SUGP1: variants seen among roughly 807,000 people sequenced by gnomAD.
SUGP1 encodes SURP and G-patch domain-containing protein 1.
Under a neutral mutation model 76.5 loss-of-function variants are expected in SUGP1, and 34 were observed. The ratio of observed to expected loss-of-function variants is 0.44; its 90% CI spans 0.34 to 0.59. The LOEUF (loss-of-function observed/expected upper bound fraction) is 0.59. Ranked by LOEUF, SUGP1 falls within the 20% of genes least tolerant of loss-of-function variation. SUGP1 has a pLI of 0.01. For synonymous variants in SUGP1, 326 were observed against 326.2 expected (o/e 1.00, Z 0.01); for missense variants, 752 against 851.7 (o/e 0.88, Z 1.46).
Position 19,316,609 on chromosome 19 carries a change from G to T in SUGP1, c.35-16C>A. 3.7e-6 allele frequency: 6 copies of T among 1,613,160 alleles called. No individual in the cohort carries two copies. Among genetic ancestry groups the T allele is most frequent in the Non-Finnish European group, 5.1e-6 (6 of 1,179,352 alleles). ...TTAGCCTTTCCTGGGGAGGGAAAAG[G>T]AGTACGTCGGAAATCACCCTTACTC... On this transcript the variant is annotated splice_polypyrimidine_tract_variant and intron_variant, in intron 1 of 13. Transcript: ENST00000247001.
At chr19:19,308,302 T>C (rs920288332) in intron 3 of SUGP1, among the ~76,000 whole-genome samples, 1 of 152,208 alleles carries the variant, frequency 6.6e-6, no homozygotes, top group Non-Finnish European at 1.5e-5. Flanking sequence ...CCCAAAGTGC[T>C]GAGATTACAG....
intron 3 of SUGP1, 39 bp from the exon 4 acceptor site, chr19:19,306,115 A>C: frequency 1.3e-6 from 2 of 1,484,948 alleles, no homozygotes; most frequent in South Asian, 1.4e-5. Context: ...CGGGATCTGC[A>C]GGGCACCTCT....
rs1018669284 is a variant in SUGP1 at position 19,310,265 on chromosome 19, C to CGAGGAT, written c.207-71_207-66dup. The CGAGGAT allele has an allele frequency of 2.8e-4, 361 of 1,275,158 alleles. 3 individuals are homozygous for CGAGGAT. In the East Asian group the frequency reaches 5.9e-3, roughly 21 times the overall value. The allele number at this position is 1,275,158 out of a possible 1,614,324, so 79.0% of individuals were successfully genotyped here. ...GAGATGGAGTGAGGGCACCAGAGGA[C>CGAGGAT]GAGGATGAGGATGAGGCCATCACCT... On this transcript the variant is annotated intron_variant, in intron 2 of 13. Coordinates refer to ENST00000247001, the MANE Select transcript of SUGP1 (RefSeq NM_172231.4).
intron 8 of SUGP1, among the ~76,000 whole-genome samples, chr19:19,287,591 G>T (rs537801595): frequency 6.6e-6 from 1 of 152,022 alleles, no homozygotes; most frequent in Non-Finnish European, 1.5e-5. Context: ...AAAAATAGAA[G>T]AGCTAACAGA....
intron 8 of SUGP1, among the ~76,000 whole-genome samples, chr19:19,283,870 C>T (rs1286450233): frequency 3.9e-5 from 6 of 152,254 alleles, no homozygotes; most frequent in Non-Finnish European, 7.3e-5. Context: ...CAGGCGTGAG[C>T]CACTGCACCT....
At chr19:19,313,901 G>A (rs778699932) in intron 2 of SUGP1, among the ~76,000 whole-genome samples, 6 of 152,112 alleles carry the variant, frequency 3.9e-5, no homozygotes, top group Non-Finnish European at 8.8e-5. Context: ...ACTTAGGGAG[G>A]CCGAGGTGGG....
chr19:19,278,679 T>C lies in SUGP1; in HGVS notation c.1635+11A>G, dbSNP rs759583708. 1.9e-5 allele frequency: 30 copies of C among 1,605,846 alleles called. 1 individual carries two copies. In the Admixed American group the frequency reaches 2.9e-4, roughly 15 times the overall value. ...TGGCAGAGGCTGGAGCTAGGGCCCC[T>C]CCTGGCTCACCTTCAGGGCCTTGAA... On this transcript the variant is annotated intron_variant, in intron 11 of 13. Coordinates refer to ENST00000247001, the MANE Select transcript of SUGP1 (RefSeq NM_172231.4).
intron 7 of SUGP1, among the ~76,000 whole-genome samples, chr19:19,297,625 A>G (rs1308205114): frequency 6.6e-6 from 1 of 152,162 alleles, no homozygotes; most frequent in Admixed American, 6.5e-5. Context: ...CCCTGCTACA[A>G]AGGGAAAGGG....
intron 8 of SUGP1, among the ~76,000 whole-genome samples, chr19:19,296,011 A>T (rs1046667374): frequency 6.6e-6 from 1 of 152,164 alleles, no homozygotes; most frequent in Admixed American, 6.5e-5. Context: ...ATCACTTCAT[A>T]CCTCTTAGGA....
intron 4 of SUGP1, among the ~76,000 whole-genome samples, chr19:19,304,900 G>T (rs1449224160): frequency 6.6e-6 from 1 of 152,054 alleles, no homozygotes; most frequent in Non-Finnish European, 1.5e-5. Context: ...TCCTGCCATG[G>T]GCCCAGCAAC....
chr19:19,302,543 C>G, intron 6 of SUGP1, 155 bp from the exon 7 acceptor site: 1 of 1,122,416 alleles, frequency 8.9e-7, no homozygotes, highest in Non-Finnish European at 1.2e-6. Context: ...GGACCAGATG[C>G]CAGAATTCAT....
At chr19:19,310,282 C>G (rs1172584633) in intron 2 of SUGP1, 82 bp from the exon 3 acceptor site, 1 of 1,065,174 alleles carries the variant, frequency 9.4e-7, no homozygotes. Context: ...GAGGATGAGG[C>G]CATCACCTCG....
At chr19:19,283,413 A>G (rs944091333) in intron 8 of SUGP1, among the ~76,000 whole-genome samples, 8 of 150,760 alleles carry the variant, frequency 5.3e-5, no homozygotes, top group Admixed American at 5.3e-4. Context: ...AGTTGGGACT[A>G]CAGGCACCTG....
chr19:19,285,734 T>C (rs937545939), intron 8 of SUGP1, among the ~76,000 whole-genome samples: 1 of 151,788 alleles, frequency 6.6e-6, no homozygotes, highest in African/African-American at 2.4e-5. Context: ...CCCGGCTAAT[T>C]TTTGTGGTTT....
intron 8 of SUGP1, among the ~76,000 whole-genome samples, chr19:19,290,563 G>A (rs1248991038): frequency 6.6e-6 from 1 of 151,980 alleles, no homozygotes; most frequent in East Asian, 1.9e-4. Context: ...AGAATCACTT[G>A]AACCTGGTAG....
At chr19:19,289,224 G>A (rs2061163798) in intron 8 of SUGP1, among the ~76,000 whole-genome samples, 1 of 152,204 alleles carries the variant, frequency 6.6e-6, no homozygotes, top group South Asian at 2.1e-4. Flanking sequence ...CATAAAAAAG[G>A]TACAGTAAAA....
At chr19:19,314,968 A>C (rs978824573) in intron 2 of SUGP1, among the ~76,000 whole-genome samples, 11 of 152,060 alleles carry the variant, frequency 7.2e-5, no homozygotes, top group African/African-American at 2.7e-4. Flanking sequence ...TTGGAGGCAG[A>C]GGTTGTGGTG....
At chr19:19,293,662 C>T (rs2061202998) in intron 8 of SUGP1, among the ~76,000 whole-genome samples, 1 of 151,972 alleles carries the variant, frequency 6.6e-6, no homozygotes, top group African/African-American at 2.4e-5. Context: ...CATCATACAC[C>T]CACACATCAT....
rs1361156089 is a variant in SUGP1 at position 19,278,044 on chromosome 19, C to CT, written c.1636-166dup. On this transcript the variant is annotated intron_variant, in intron 11 of 13. Coordinates refer to ENST00000247001, the MANE Select transcript of SUGP1 (RefSeq NM_172231.4). The stretch of plus-strand genomic sequence containing the variant: ...GAACAAACAGACCAAGCTCCTCCTG[C>CT]TTCTCAGGGTCCCCGGGGCCTTAGT... Among the ~76,000 whole-genome samples the CT allele has an allele frequency of 2.0e-5, 3 of 152,138 alleles. No homozygotes were observed. The East Asian group carries it at 5.8e-4, about 29-fold the overall frequency.
Sources: gnomAD v4.1 joint callset for allele counts (sites outside exome capture counted in the v4.1 genomes callset) on GRCh38, gnomAD v4.1.1 for gene constraint, MANE v1.5 for transcripts, NCBI Gene and HGNC (gene_info 2026-07-23, HGNC 2026-07-21) for gene names.